Variants in PPEF1 observed in about 807,000 individuals in gnomAD.
The protein encoded by PPEF1 is protein phosphatase with EF-hand domain 1.
A neutral mutation model predicts 53.3 loss-of-function variants in PPEF1; 12 were observed. The ratio of observed to expected loss-of-function variants is 0.23; its 90% CI spans 0.14 to 0.36. The LOEUF is 0.36. Among genes scored for constraint, PPEF1 ranks in the 10% least tolerant of loss-of-function variants. The probability of loss-of-function intolerance (pLI) is 1.00; values close to 1 mark genes in which losing one functional copy is unlikely to be tolerated. For missense variants in PPEF1, 334 were observed against 490.4 expected (o/e 0.68, Z 3.01); for synonymous variants, 165 against 176.7 (o/e 0.93, Z 0.52).
intron 14 of PPEF1, among the ~76,000 whole-genome samples, chrX:18,824,809 G>A (rs1053500072): frequency 1.8e-5 from 2 of 109,760 alleles, no homozygotes; most frequent in Non-Finnish European, 3.8e-5. Flanking sequence ...GATTACAGGC[G>A]CCTGCCACCA....
intron 3 of PPEF1, among the ~76,000 whole-genome samples, chrX:18,686,777 G>C (rs1382618014): frequency 2.7e-5 from 3 of 111,746 alleles, no homozygotes; most frequent in African/African-American, 9.8e-5. Context: ...TGAATACTAT[G>C]AGCCAGGCAC....
chrX:18,696,832 C>T (rs1037090991), intron 4 of PPEF1, among the ~76,000 whole-genome samples: 1 of 111,203 alleles, frequency 9.0e-6, no homozygotes, highest in African/African-American at 3.3e-5. Context: ...TACGGGGCTT[C>T]GAGGTATCAG....
Position 18,739,501 on chromosome X carries a change from G to A in PPEF1, c.235+5693G>A, listed in dbSNP as rs908266954. Among the ~76,000 whole-genome samples the A allele has an allele frequency of 2.7e-4, 30 of 111,667 alleles. No individual in the cohort carries two copies. In the Admixed American group the frequency reaches 2.9e-3, roughly 11 times the overall value. On this transcript the variant is annotated intron_variant, in intron 3 of 15. Coordinates refer to ENST00000470157, the MANE Select transcript of PPEF1 (RefSeq NM_001377996.1). ...GCCTGATCCTTTCTCTGGAAACTTCGTCTCAGAGGGGTACCTGGCTGTATG... is the reference window on the plus strand; with the variant it reads ...GCCTGATCCTTTCTCTGGAAACTTCATCTCAGAGGGGTACCTGGCTGTATG...
At chrX:18,682,958 C>T (rs189594654), upstream of PPEF1, among the ~76,000 whole-genome samples, 4 of 111,327 alleles carry the variant, frequency 3.6e-5, no homozygotes, top group Admixed American at 9.5e-5. Context: ...ACAATCATGG[C>T]GGAGGATGAA....
At chrX:18,798,323 G>A (rs1448180040) in intron 10 of PPEF1, among the ~76,000 whole-genome samples, 1 of 111,677 alleles carries the variant, frequency 9.0e-6, no homozygotes. Context: ...ATGAGCCACG[G>A]CGCCTGGCCA....
intron 3 of PPEF1, among the ~76,000 whole-genome samples, chrX:18,745,240 G>T (rs1273511744): frequency 2.1e-5 from 2 of 96,722 alleles, no homozygotes; most frequent in Non-Finnish European, 4.1e-5. Flanking sequence ...TCGAGACAGG[G>T]TCTCACTCTG....
At chrX:18,723,007 C>T (rs1217259143) in intron 1 of PPEF1, among the ~76,000 whole-genome samples, 1 of 107,218 alleles carries the variant, frequency 9.3e-6, no homozygotes, top group African/African-American at 3.4e-5. Flanking sequence ...TTTTTTGTGA[C>T]GGAGTCTCGC....
intron 14 of PPEF1, among the ~76,000 whole-genome samples, chrX:18,825,136 T>C (rs1333798135): frequency 1.8e-5 from 2 of 112,179 alleles, no homozygotes; most frequent in Non-Finnish European, 3.8e-5. Flanking sequence ...TCCCCATACT[T>C]ATTAGTTAAC....
At chrX:18,780,988 A>G (rs1222387565) in intron 7 of PPEF1, among the ~76,000 whole-genome samples, 12 of 105,210 alleles carry the variant, frequency 1.1e-4, no homozygotes, top group Non-Finnish European at 1.7e-4. Context: ...CCCGGGAGGC[A>G]GAGCTTGCAG....
upstream of PPEF1, among the ~76,000 whole-genome samples, chrX:18,675,470 C>A (rs745569374): frequency 9.7e-5 from 11 of 113,498 alleles, no homozygotes; most frequent in African/African-American, 3.5e-4. Flanking sequence ...GTTAGCGGGC[C>A]CTTTGCCCGA....
At chrX:18,739,732 G>C (rs1287601569) in intron 3 of PPEF1, among the ~76,000 whole-genome samples, 1 of 112,403 alleles carries the variant, frequency 8.9e-6, no homozygotes, top group African/African-American at 3.2e-5. Context: ...TGCCCCCAGA[G>C]GTGGCGTCTA....
intron 10 of PPEF1, among the ~76,000 whole-genome samples, chrX:18,794,114 C>G (rs1349875971): frequency 8.8e-6 from 1 of 113,022 alleles, no homozygotes; most frequent in Non-Finnish European, 1.9e-5. Flanking sequence ...CCACAGAGTG[C>G]TCTACAGTCT....
intron 1 of PPEF1, among the ~76,000 whole-genome samples, chrX:18,710,100 T>C (rs1490224118): frequency 8.9e-6 from 1 of 112,264 alleles, no homozygotes; most frequent in Non-Finnish European, 1.9e-5. Context: ...ATTTCAGTAG[T>C]GACTAATGAC....
intron 12 of PPEF1, among the ~76,000 whole-genome samples, chrX:18,816,369 CAATA>C (rs200291874): frequency 0.015 from 1,703 of 111,540 alleles, 37 homozygotes; most frequent in African/African-American, 0.052. Flanking sequence ...TTATTTCTTT[CAATA>C]AATCCTAAAT....
At chrX:18,751,868 G>T (rs1428780611) in intron 4 of PPEF1, among the ~76,000 whole-genome samples, 1 of 112,690 alleles carries the variant, frequency 8.9e-6, no homozygotes, top group Non-Finnish European at 1.9e-5. Context: ...CTATGTGTCT[G>T]TGCCAGTACC....
At chrX:18,791,674 T>A (rs2046326075) in intron 10 of PPEF1, among the ~76,000 whole-genome samples, 1 of 111,622 alleles carries the variant, frequency 9.0e-6, no homozygotes, top group Admixed American at 9.5e-5. Context: ...TTTCTTTTCC[T>A]TTTTTTTCTT....
Position 18,803,893 on chromosome X carries a change from T to G in PPEF1, c.1067T>G (p.Ile356Ser). 2 of 1,192,969 alleles carry G rather than the reference T, an allele frequency of 1.7e-6. No individual in the cohort carries two copies. The highest frequency in any genetic ancestry group is 2.3e-6 in the Non-Finnish European group (2 of 887,152). The part of the protein sequence containing the change: ...EHLTEHEWEQ[I>S]IDILWSDPRG... ...CGAAATCTGGTTTGTTGTTCCAAGA[T>G]TATTGATATTCTGTGGAGTGATCCC... The change falls in exon 11 of 16, where the codon ATT becomes AGT. Residue 356 changes from isoleucine (I) to serine (S), a missense_variant and splice_region_variant. Transcript: ENST00000470157.
At chrX:18,783,806 C>A in intron 8 of PPEF1, 93 bp from the exon 9 acceptor site, 1 of 865,848 alleles carries the variant, frequency 1.2e-6, no homozygotes, top group Non-Finnish European at 1.6e-6. Flanking sequence ...CTTTGAGTGG[C>A]CTGAAAATCA....
intron 12 of PPEF1, 102 bp from the exon 13 acceptor site, chrX:18,817,937 T>C: frequency 1.7e-6 from 1 of 594,051 alleles, no homozygotes; most frequent in Non-Finnish European, 2.6e-6. Context: ...ATCTGGGCAA[T>C]TCATTTAAAG....
Sources: gnomAD v4.1 joint callset for allele counts (sites outside exome capture counted in the v4.1 genomes callset) on GRCh38, gnomAD v4.1.1 for gene constraint, MANE v1.5 for transcripts, NCBI Gene and HGNC (gene_info 2026-07-23, HGNC 2026-07-21) for gene names.